The following DCAF6 variants were observed in gnomAD, a reference collection of about 807,000 sequenced individuals.
The protein encoded by DCAF6 is DDB1- and CUL4-associated factor 6.
In DCAF6, 54 loss-of-function variants were observed where a neutral mutation model predicts 125.1. The observed-to-expected ratio is 0.43, with a 90% CI of 0.35 to 0.54. DCAF6 has a LOEUF of 0.54. Among genes scored for constraint, DCAF6 ranks in the 20% least tolerant of loss-of-function variants. The pLI is 0.01. For missense variants in DCAF6, 934 were observed against 1,161.7 expected (o/e 0.80, Z 2.85); for synonymous variants, 371 against 390.4 (o/e 0.95, Z 0.58).
At chr1:167,978,213 C>T (rs1678548886) in intron 4 of DCAF6, among the ~76,000 whole-genome samples, 1 of 152,198 alleles carries the variant, frequency 6.6e-6, no homozygotes, top group South Asian at 2.1e-4. Flanking sequence ...CACAAATGCA[C>T]ACATTTGTTA....
chr1:167,930,537 T>G, the DCAF6 span, among the ~76,000 whole-genome samples: 1 of 152,244 alleles, frequency 6.6e-6, no homozygotes, highest in African/African-American at 2.4e-5. Context: ...TCCTGAAGGT[T>G]CTGAATGTAA....
intron 7 of DCAF6, among the ~76,000 whole-genome samples, chr1:167,993,758 C>A (rs1449445418): frequency 3.3e-5 from 4 of 120,074 alleles, no homozygotes; most frequent in Admixed American, 7.9e-5. Context: ...TCAGAAAAAA[C>A]AACAACAACA....
At chr1:168,003,144 A>G (rs1682876040) in intron 8 of DCAF6, among the ~76,000 whole-genome samples, 1 of 152,188 alleles carries the variant, frequency 6.6e-6, no homozygotes, top group East Asian at 1.9e-4. Flanking sequence ...ATTCCCCAAT[A>G]TATGAGCTAC....
At chr1:168,058,428 T>G (rs371723765) in intron 17 of DCAF6, among the ~76,000 whole-genome samples, 3 of 152,242 alleles carry the variant, frequency 2.0e-5, no homozygotes, top group Non-Finnish European at 1.5e-5. Context: ...TTTATTCACA[T>G]CACTGATTCT....
At chr1:167,867,925 GGCA>G in the DCAF6 span, among the ~76,000 whole-genome samples, 1 of 152,110 alleles carries the variant, frequency 6.6e-6, no homozygotes, top group African/African-American at 2.4e-5. Context: ...AAAAGGAGAA[GGCA>G]GCCCCTCCTG....
chr1:167,933,926 C>G (rs115446165), upstream of DCAF6, among the ~76,000 whole-genome samples: 947 of 152,286 alleles, frequency 6.2e-3, 9 homozygotes, highest in African/African-American at 0.022. Flanking sequence ...ATTAGATCAT[C>G]TGATTTTCAC....
intron 6 of DCAF6, 69 bp downstream of exon 6, chr1:167,991,408 G>GT (rs774144475): frequency 8.1e-5 from 115 of 1,413,042 alleles, no homozygotes; most frequent in Non-Finnish European, 1.0e-4. Context: ...GACATTTTCA[G>GT]TTTTAAAATT....
the DCAF6 span, among the ~76,000 whole-genome samples, chr1:167,865,558 AT>A: frequency 6.6e-6 from 1 of 152,256 alleles, no homozygotes; most frequent in Admixed American, 6.5e-5. Context: ...AATTTAGCTT[AT>A]CTGGTATAAA....
chr1:167,952,155 A>C (rs575188976), intron 2 of DCAF6, among the ~76,000 whole-genome samples: 1 of 152,172 alleles, frequency 6.6e-6, no homozygotes, highest in African/African-American at 2.4e-5. Flanking sequence ...GAAACTAGAC[A>C]TATCACTCAA....
At chr1:167,899,259 A>G in the DCAF6 span, among the ~76,000 whole-genome samples, 1 of 152,210 alleles carries the variant, frequency 6.6e-6, no homozygotes, top group Non-Finnish European at 1.5e-5. Context: ...CTCCTCCCAG[A>G]GGAGCTGCCC....
chr1:167,885,103 G>A, the DCAF6 span, among the ~76,000 whole-genome samples: 1 of 148,870 alleles, frequency 6.7e-6, no homozygotes, highest in African/African-American at 2.5e-5. Context: ...CATCCACGTT[G>A]TTGCAAATGA....
intron 12 of DCAF6, among the ~76,000 whole-genome samples, chr1:168,037,806 A>G (rs538478694): frequency 1.1e-4 from 17 of 152,360 alleles, no homozygotes; most frequent in African/African-American, 4.1e-4. Context: ...TTTAGAAAAT[A>G]TCAAAGCACT....
At chr1:167,925,456 TATATATATATATATATATAC>T in the DCAF6 span, among the ~76,000 whole-genome samples, 143 of 111,876 alleles carry the variant, frequency 1.3e-3, 1 homozygote, top group South Asian at 0.021. Context: ...TATATATATA[TATATATATATATATATATAC>T]ATATACATAT....
At chr1:167,892,767 T>C in the DCAF6 span, among the ~76,000 whole-genome samples, 2 of 152,194 alleles carry the variant, frequency 1.3e-5, no homozygotes, top group African/African-American at 4.8e-5. Context: ...TTACAAAGAT[T>C]TCCTCCAGGA....
chr1:167,988,717 G>T lies in DCAF6; in HGVS notation c.552+1109G>T, dbSNP rs559647430. Among the ~76,000 whole-genome samples, 40 of 152,094 alleles carry T rather than the reference G, an allele frequency of 2.6e-4. No individual in the cohort carries two copies. The South Asian group carries it at 8.1e-3, about 31-fold the overall frequency. The stretch of plus-strand genomic sequence containing the variant: ...TGCTAACTAAACCAGTTACCAACTG[G>T]TTAACATGCTTTAGGGGAAAAAGAT... On this transcript the variant is annotated intron_variant, in intron 5 of 21. Transcript: ENST00000367840.
In DCAF6 at chr1:168,073,201, C is replaced by CGGG. The variant is rs200333727; in HGVS notation, c.2792-2170_2792-2169insGGG. ...AAAAAAAAAAGAAGAAAAAGAAAAA[C>CGGG]AGTATACATAGAAGTGATTCTTATT... is the stretch of plus-strand genomic sequence containing the variant. On this transcript the variant is annotated intron_variant, in intron 21 of 21. Transcript: ENST00000367840. 7.9e-4 allele frequency among the ~76,000 whole-genome samples: 120 copies of CGGG among 152,154 alleles called. 1 individual carries two copies. The East Asian group carries it at 0.019, about 24-fold the overall frequency.
At chr1:168,054,060 C>T (rs1467118155) in intron 17 of DCAF6, among the ~76,000 whole-genome samples, 1 of 152,168 alleles carries the variant, frequency 6.6e-6, no homozygotes. Flanking sequence ...TCACTTATTT[C>T]AGATACTTGT....
In DCAF6 at chr1:168,004,647, C is replaced by T. The variant is rs1323667371; in HGVS notation, c.1232C>T (p.Pro411Leu). ...VDTPAEQFLQ[P>L]STSSTMSAQA... Reference sequence around the variant, plus strand: ...ACTCCAGCTGAACAATTTCTTCAGCCTTCTACATCCTCTACAATGTCAGCT... The same window carrying T: ...ACTCCAGCTGAACAATTTCTTCAGCTTTCTACATCCTCTACAATGTCAGCT... Residue 411 changes from proline (P) to leucine (L), a missense_variant, in exon 10 of 22, where the codon CCT becomes CTT. Transcript: ENST00000367840. 1 of 1,613,816 alleles carries T rather than the reference C, an allele frequency of 6.2e-7. No homozygotes were observed. The highest frequency in any genetic ancestry group is 2.2e-5 in the East Asian group (1 of 44,878).
At chr1:167,966,879 T>G (rs527507603) in intron 3 of DCAF6, among the ~76,000 whole-genome samples, 158 bp downstream of exon 3, 59 of 152,314 alleles carry the variant, frequency 3.9e-4, no homozygotes, top group African/African-American at 1.4e-3. Flanking sequence ...CTTAGGTACA[T>G]GTGGGTCTCT....
Sources: gnomAD v4.1 joint callset for allele counts (sites outside exome capture counted in the v4.1 genomes callset) on GRCh38, gnomAD v4.1.1 for gene constraint, MANE v1.5 for transcripts, NCBI Gene and HGNC (gene_info 2026-07-23, HGNC 2026-07-21) for gene names.